The following STARD13 variants were observed in gnomAD, a reference collection of about 807,000 sequenced individuals.
The protein encoded by STARD13 is StAR related lipid transfer domain containing 13, also known as stAR-related lipid transfer protein 13.
A neutral mutation model predicts 106.4 loss-of-function variants in STARD13; 62 were observed. The observed-to-expected ratio is 0.58, with a 90% CI of 0.48 to 0.72. STARD13 has a LOEUF of 0.72. STARD13 is among the 30% of genes least tolerant of loss of function. The probability of loss-of-function intolerance (pLI) is 0.00; values close to 1 mark genes in which losing one functional copy is unlikely to be tolerated. For synonymous variants in STARD13, 565 were observed against 553.0 expected, an observed-to-expected ratio of 1.02 and a Z score of -0.31; for missense variants, 1,387 against 1,424.0, an observed-to-expected ratio of 0.97 and a Z score of 0.42.
At chr13:33,626,401 G>T in the STARD13 span, among the ~76,000 whole-genome samples, 1 of 152,098 alleles carries the variant, frequency 6.6e-6, no homozygotes, top group African/African-American at 2.4e-5. Flanking sequence ...AGATAATAAT[G>T]CATAATGATC....
chr13:33,427,485 G>T, the STARD13 span, among the ~76,000 whole-genome samples: 2 of 152,166 alleles, frequency 1.3e-5, no homozygotes, highest in Admixed American at 1.3e-4. Flanking sequence ...CTGGTGGCAC[G>T]CCAGTTTTCA....
chr13:33,456,283 G>A, the STARD13 span, among the ~76,000 whole-genome samples: 7 of 152,156 alleles, frequency 4.6e-5, no homozygotes, highest in East Asian at 7.8e-4. Flanking sequence ...TCTGTCTCCC[G>A]GGTTCAAGCA....
chr13:33,676,481 T>C, the STARD13 span, among the ~76,000 whole-genome samples: 1 of 152,220 alleles, frequency 6.6e-6, no homozygotes, highest in African/African-American at 2.4e-5. Context: ...AGACATTTTA[T>C]TTTTTAAACA....
chr13:33,442,262 C>G, the STARD13 span, among the ~76,000 whole-genome samples: 1 of 152,138 alleles, frequency 6.6e-6, no homozygotes, highest in African/African-American at 2.4e-5. Flanking sequence ...AAAATTTAAG[C>G]CTCACGGCTT....
the STARD13 span, among the ~76,000 whole-genome samples, chr13:33,655,963 G>A: frequency 2.6e-5 from 4 of 152,094 alleles, no homozygotes; most frequent in Non-Finnish European, 5.9e-5. Flanking sequence ...AAGAATTTAA[G>A]TAAGCTAACA....
chr13:33,515,484 A>G, the STARD13 span, among the ~76,000 whole-genome samples: 1 of 152,174 alleles, frequency 6.6e-6, no homozygotes, highest in African/African-American at 2.4e-5. Flanking sequence ...AGACGAAACA[A>G]GGAAAGTGCA....
chr13:33,367,272 CT>C, the STARD13 span, among the ~76,000 whole-genome samples: 4 of 152,278 alleles, frequency 2.6e-5, no homozygotes, highest in Admixed American at 2.0e-4. Context: ...ATGTTTCCAG[CT>C]GTTTCCAGAT....
chr13:33,460,725 TCAA>T, the STARD13 span, among the ~76,000 whole-genome samples: 1 of 151,592 alleles, frequency 6.6e-6, no homozygotes, highest in African/African-American at 2.4e-5. Flanking sequence ...TCATGTAGAA[TCAA>T]CTCAAAAAAA....
intron 1 of STARD13, among the ~76,000 whole-genome samples, chr13:33,275,496 C>T (rs561640981): frequency 1.3e-5 from 2 of 152,122 alleles, no homozygotes; most frequent in African/African-American, 4.8e-5. Flanking sequence ...GCCATTTTAC[C>T]CACAGAGGAA....
At chr13:33,320,532 T>C (rs1893518565) in intron 1 of STARD13, among the ~76,000 whole-genome samples, 1 of 152,250 alleles carries the variant, frequency 6.6e-6, no homozygotes, top group Admixed American at 6.5e-5. Context: ...CTTCTGAAGA[T>C]GACTCCTATG....
chr13:33,637,992 G>T, the STARD13 span, among the ~76,000 whole-genome samples: 2 of 152,170 alleles, frequency 1.3e-5, no homozygotes, highest in Non-Finnish European at 2.9e-5. Flanking sequence ...CAATTTTCCA[G>T]ATTTCTTTAG....
the STARD13 span, among the ~76,000 whole-genome samples, chr13:33,549,529 A>G: frequency 6.6e-6 from 1 of 152,238 alleles, no homozygotes. Context: ...AAACTGCTGT[A>G]GTCCTTCAAT....
At chr13:33,146,072 C>A (rs1880500029) in intron 3 of STARD13, among the ~76,000 whole-genome samples, 1 of 152,132 alleles carries the variant, frequency 6.6e-6, no homozygotes, top group African/African-American at 2.4e-5. Context: ...TGCCTGTAAT[C>A]CCAGCACTTT....
chr13:33,298,674 A>G (rs991428704), intron 1 of STARD13, among the ~76,000 whole-genome samples: 3 of 152,240 alleles, frequency 2.0e-5, no homozygotes, highest in Non-Finnish European at 4.4e-5. Flanking sequence ...GTATATAAAC[A>G]GACCAAGTCT....
chr13:33,215,073 GC>G (rs1486231478), intron 1 of STARD13, among the ~76,000 whole-genome samples: 2 of 135,058 alleles, frequency 1.5e-5, no homozygotes, highest in Admixed American at 1.7e-4. Context: ...GCTTTGCCCA[GC>G]TTAGAGGTAA....
At chr13:33,615,598 C>A in the STARD13 span, among the ~76,000 whole-genome samples, 1 of 152,104 alleles carries the variant, frequency 6.6e-6, no homozygotes, top group Non-Finnish European at 1.5e-5. Flanking sequence ...CACCTGTTAC[C>A]GAGAAGAAAC....
the STARD13 span, among the ~76,000 whole-genome samples, chr13:33,593,543 C>T: frequency 6.6e-6 from 1 of 152,288 alleles, no homozygotes; most frequent in East Asian, 1.9e-4. Context: ...AACCTCGAGA[C>T]TCTCTTTTCT....
At chr13:33,501,361 T>G in the STARD13 span, among the ~76,000 whole-genome samples, 2 of 152,156 alleles carry the variant, frequency 1.3e-5, no homozygotes, top group African/African-American at 4.8e-5. Flanking sequence ...GGTAGTTTCT[T>G]TTGCTGTGCA....
chr13:33,167,703 G>C, intron 1 of STARD13, 81 bp from the exon 2 acceptor site: 1 of 1,396,300 alleles, frequency 7.2e-7, no homozygotes, highest in South Asian at 1.2e-5. Flanking sequence ...GGAGACACTG[G>C]TGAGCTTTGT....
Sources: gnomAD v4.1 joint callset for allele counts (sites outside exome capture counted in the v4.1 genomes callset) on GRCh38, gnomAD v4.1.1 for gene constraint, MANE v1.5 for transcripts, NCBI Gene and HGNC (gene_info 2026-07-23, HGNC 2026-07-21) for gene names.